Variants in CSMD1 observed in about 807,000 individuals in gnomAD.
The protein encoded by CSMD1 is CUB and Sushi multiple domains 1, also known as CUB and sushi domain-containing protein 1.
Under a neutral mutation model 417.5 loss-of-function variants are expected in CSMD1, and 213 were observed. The observed-to-expected ratio is 0.51, with a 90% confidence interval of 0.46 to 0.57. The LOEUF is 0.57. CSMD1 is among the 20% of genes least tolerant of loss of function. The pLI is 0.00. For synonymous variants in CSMD1, 2,862 were observed against 1,736.8 expected, an observed-to-expected ratio of 1.65 and a Z score of -16.11; for missense variants, 6,923 against 4,529.7, an observed-to-expected ratio of 1.53 and a Z score of -15.17.
In CSMD1 at chr8:4,774,251, T is replaced by C. The variant is rs188953131; in HGVS notation, c.86-136693A>G. On this transcript the variant is annotated intron_variant, in intron 1 of 69. Transcript: ENST00000635120. Reference sequence around the variant, plus strand: ...TCTTTCCTTTTAAATAGACAGCATTTGCGAATGGGGCAATGTTAAATTAAC... The same window carrying C: ...TCTTTCCTTTTAAATAGACAGCATTCGCGAATGGGGCAATGTTAAATTAAC... Among the ~76,000 whole-genome samples the C allele has an allele frequency of 2.6e-3, 390 of 152,254 alleles. 4 individuals carry two copies. Among genetic ancestry groups the C allele is most frequent in the Non-Finnish European group, 3.7e-3 (251 of 68,014 alleles).
intron 3 of CSMD1, among the ~76,000 whole-genome samples, chr8:4,399,874 A>C (rs765445363): frequency 1.3e-5 from 2 of 152,198 alleles, no homozygotes; most frequent in African/African-American, 2.4e-5. Flanking sequence ...AAGTGTACCA[A>C]AGTAGTAAAT....
chr8:3,922,599 G>A (rs1054143532), intron 5 of CSMD1, among the ~76,000 whole-genome samples: 2 of 152,086 alleles, frequency 1.3e-5, no homozygotes, highest in East Asian at 1.9e-4. Flanking sequence ...AACATCTTCT[G>A]GTTAAAGCAG....
At chr8:3,175,837 T>C (rs1300412728) in intron 37 of CSMD1, among the ~76,000 whole-genome samples, 1 of 152,200 alleles carries the variant, frequency 6.6e-6, no homozygotes. Flanking sequence ...CTGGGTTTCC[T>C]AGTAGTGAAT....
intron 2 of CSMD1, among the ~76,000 whole-genome samples, chr8:4,474,130 G>C (rs1298915753): frequency 2.6e-5 from 4 of 152,110 alleles, no homozygotes; most frequent in Admixed American, 1.3e-4. Flanking sequence ...GATTGAAAAT[G>C]ATAAATTTGC....
At chr8:3,774,049 T>C (rs1448167525) in intron 5 of CSMD1, among the ~76,000 whole-genome samples, 1 of 152,178 alleles carries the variant, frequency 6.6e-6, no homozygotes, top group Non-Finnish European at 1.5e-5. Flanking sequence ...TCTTGGGCTT[T>C]TGCTATTTTC....
intron 5 of CSMD1, among the ~76,000 whole-genome samples, chr8:3,968,439 A>G (rs1181858237): frequency 6.6e-6 from 1 of 152,154 alleles, no homozygotes; most frequent in Non-Finnish European, 1.5e-5. Flanking sequence ...ACACTCAGCA[A>G]CCCACACAAT....
chr8:4,991,816 G>A (rs528668072), intron 1 of CSMD1, among the ~76,000 whole-genome samples: 28 of 152,328 alleles, frequency 1.8e-4, no homozygotes, highest in African/African-American at 6.7e-4. Context: ...CTTCCTGCCT[G>A]CAGCCCCTTC....
At chr8:4,273,778 G>C (rs1317986407) in intron 3 of CSMD1, among the ~76,000 whole-genome samples, 1 of 152,134 alleles carries the variant, frequency 6.6e-6, no homozygotes, top group Non-Finnish European at 1.5e-5. Flanking sequence ...GCCTCTGTAA[G>C]CTTCTGTCTG....
chr8:3,805,100 G>A (rs1377353872), intron 5 of CSMD1, among the ~76,000 whole-genome samples: 2 of 151,488 alleles, frequency 1.3e-5, no homozygotes, highest in African/African-American at 2.4e-5. Context: ...GAACCCCACT[G>A]TTATGAATGG....
intron 4 of CSMD1, among the ~76,000 whole-genome samples, chr8:4,021,132 C>T (rs1430791845): frequency 6.6e-6 from 1 of 152,112 alleles, no homozygotes; most frequent in East Asian, 1.9e-4. Flanking sequence ...AATACAGTAG[C>T]CTGAAGTGTA....
chr8:3,312,736 G>C (rs937853648), intron 23 of CSMD1, among the ~76,000 whole-genome samples: 1 of 152,120 alleles, frequency 6.6e-6, no homozygotes, highest in African/African-American at 2.4e-5. Context: ...AGGGAGAAGA[G>C]TGCTGCCTCC....
intron 11 of CSMD1, among the ~76,000 whole-genome samples, chr8:3,472,701 A>C (rs1189906245): frequency 1.3e-5 from 2 of 152,016 alleles, no homozygotes; most frequent in African/African-American, 4.8e-5. Context: ...CTAAGTCGTC[A>C]TCATTTTTCT....
chr8:3,236,106 G>T (rs188834476), intron 26 of CSMD1, among the ~76,000 whole-genome samples: 1 of 151,742 alleles, frequency 6.6e-6, no homozygotes, highest in Non-Finnish European at 1.5e-5. Flanking sequence ...TTTTAGTAGA[G>T]ACAGGGTTTC....
chr8:3,711,536 C>T (rs144714132), intron 6 of CSMD1, among the ~76,000 whole-genome samples: 128 of 152,320 alleles, frequency 8.4e-4, no homozygotes, highest in African/African-American at 2.8e-3. Flanking sequence ...GGTGCAACCA[C>T]GGCACCTGGC....
At chr8:3,623,372 T>C (rs568120720) in intron 7 of CSMD1, among the ~76,000 whole-genome samples, 2 of 152,120 alleles carry the variant, frequency 1.3e-5, no homozygotes, top group Non-Finnish European at 2.9e-5. Context: ...TAGCAAACTA[T>C]AGAAGTAGAT....
chr8:3,636,068 A>C (rs192111178), intron 7 of CSMD1, among the ~76,000 whole-genome samples: 130 of 119,018 alleles, frequency 1.1e-3, no homozygotes, highest in African/African-American at 3.7e-3. Flanking sequence ...AGCTTTTTCT[A>C]TTTTATTATT....
chr8:4,311,001 A>AC (rs1798530439), intron 3 of CSMD1, among the ~76,000 whole-genome samples: 1 of 152,222 alleles, frequency 6.6e-6, no homozygotes, highest in Non-Finnish European at 1.5e-5. Flanking sequence ...CAAAGATAAT[A>AC]GAAAGTGGCA....
chr8:4,386,644 A>G (rs2128921590), intron 3 of CSMD1, among the ~76,000 whole-genome samples: 1 of 152,340 alleles, frequency 6.6e-6, no homozygotes, highest in East Asian at 1.9e-4. Flanking sequence ...CATGGGAGTT[A>G]TCTCAGCCTT....
intron 1 of CSMD1, among the ~76,000 whole-genome samples, chr8:4,959,377 G>A (rs1809329537): frequency 1.3e-5 from 2 of 152,176 alleles, no homozygotes; most frequent in Non-Finnish European, 1.5e-5. Context: ...TCCCCAACCA[G>A]GCGCTCTCAT....
Sources: allele counts gnomAD v4.1 joint callset (sites outside exome capture counted in the v4.1 genomes callset), GRCh38; gene constraint gnomAD v4.1.1; transcripts MANE v1.5; gene names NCBI Gene and HGNC (gene_info 2026-07-23, HGNC 2026-07-21).